Variants in SNX29 observed in about 807,000 individuals in gnomAD.
SNX29 encodes the protein sorting nexin-29.
Under a neutral mutation model 102.1 loss-of-function variants are expected in SNX29, and 78 were observed. The observed-to-expected ratio is 0.76, with a 90% confidence interval of 0.64 to 0.92. SNX29 has a LOEUF of 0.92. SNX29 is among the 40% of genes least tolerant of loss of function. The pLI is 0.00. For synonymous variants in SNX29, 580 were observed against 414.5 expected (o/e 1.40, Z -4.85); for missense variants, 1,280 against 1,061.7 (o/e 1.21, Z -2.86).
At chr16:12,079,030 G>A (rs1030765305) in intron 11 of SNX29, 115 bp downstream of exon 11, 343 of 863,464 alleles carry the variant, frequency 4.0e-4, no homozygotes, top group Non-Finnish European at 5.1e-4. Flanking sequence ...AGGTGTGTAC[G>A]TCCCTGGTTG....
chr16:12,341,902 G>C (rs1430286379), intron 15 of SNX29, among the ~76,000 whole-genome samples: 1 of 152,200 alleles, frequency 6.6e-6, no homozygotes, highest in Non-Finnish European at 1.5e-5. Flanking sequence ...GTAGGGATTA[G>C]AGCAGCTGTG....
chr16:12,556,858 AT>A lies in SNX29; in HGVS notation c.2319-11636del, dbSNP rs923109471. On this transcript the variant is annotated intron_variant, in intron 20 of 20. Transcript: ENST00000566228. ...GAAGTTTGATGGTGGAAAAAATTGAATTTTTTTTTTTTGAGATAGGGTCTCC... is the reference window on the plus strand; with the variant it reads ...GAAGTTTGATGGTGGAAAAAATTGAATTTTTTTTTTTGAGATAGGGTCTCC... Among the ~76,000 whole-genome samples the A allele has an allele frequency of 9.2e-4, 137 of 148,732 alleles. 1 individual carries two copies. The highest frequency in any genetic ancestry group is 3.5e-3 in the Middle Eastern group (1 of 288).
intron 14 of SNX29, among the ~76,000 whole-genome samples, chr16:12,257,380 C>T (rs559708934): frequency 5.3e-5 from 8 of 152,202 alleles, no homozygotes; most frequent in Non-Finnish European, 1.0e-4. Context: ...CCAGTATACT[C>T]TCCTATCTCA....
chr16:12,084,064 G>A (rs1273753076), intron 11 of SNX29, among the ~76,000 whole-genome samples: 1 of 152,148 alleles, frequency 6.6e-6, no homozygotes, highest in African/African-American at 2.4e-5. Flanking sequence ...AGAAGATGGT[G>A]TATCCAGACC....
At chr16:12,407,936 C>T (rs2084233068) in intron 18 of SNX29, among the ~76,000 whole-genome samples, 1 of 152,138 alleles carries the variant, frequency 6.6e-6, no homozygotes, top group African/African-American at 2.4e-5. Flanking sequence ...GCTACGATTG[C>T]ATCTGTGAAT....
chr16:12,441,089 CTTTTTTT>C (rs34125065), intron 18 of SNX29, among the ~76,000 whole-genome samples: 1 of 102,696 alleles, frequency 9.7e-6, no homozygotes, highest in Non-Finnish European at 1.9e-5. Flanking sequence ...TACTTCATTC[CTTTTTTT>C]TTTTTTTTTT....
chr16:12,192,748 G>T (rs775269461), intron 13 of SNX29, among the ~76,000 whole-genome samples: 5 of 152,080 alleles, frequency 3.3e-5, no homozygotes, highest in Non-Finnish European at 5.9e-5. Flanking sequence ...TTTCACCCAG[G>T]CTGGAGTTCA....
chr16:12,086,288 G>A (rs1041041764), intron 11 of SNX29, among the ~76,000 whole-genome samples: 1 of 152,154 alleles, frequency 6.6e-6, no homozygotes, highest in Admixed American at 6.5e-5. Flanking sequence ...ACAGGCGTGA[G>A]CCACCGCGCC....
chr16:12,133,172 C>G (rs1374752531), intron 13 of SNX29, among the ~76,000 whole-genome samples: 2 of 151,832 alleles, frequency 1.3e-5, no homozygotes, highest in Non-Finnish European at 2.9e-5. Flanking sequence ...GCTTTATGGT[C>G]CAGGTGCCTG....
In SNX29 at chr16:12,224,491, G is replaced by A. The variant is rs546295335; in HGVS notation, c.1678+24808G>A. On this transcript the variant is annotated intron_variant, in intron 14 of 20. Coordinates refer to ENST00000566228, the MANE Select transcript of SNX29 (RefSeq NM_032167.5). ...TTAACACGGTGCTGAGGACATCCAGGTGCAGCTGGAGCACCGTGTGGAGCT... is the reference window on the plus strand; with the variant it reads ...TTAACACGGTGCTGAGGACATCCAGATGCAGCTGGAGCACCGTGTGGAGCT... 2.0e-5 allele frequency among the ~76,000 whole-genome samples: 3 copies of A among 152,180 alleles called. No homozygotes were observed. In the South Asian group the frequency reaches 6.2e-4, roughly 32 times the overall value.
intron 20 of SNX29, among the ~76,000 whole-genome samples, chr16:12,536,058 G>T (rs1040065926): frequency 1.3e-5 from 2 of 152,110 alleles, no homozygotes; most frequent in African/African-American, 4.8e-5. Context: ...TGAGCCCTTT[G>T]TCTTCATTCA....
intron 14 of SNX29, among the ~76,000 whole-genome samples, chr16:12,209,474 G>C (rs1340474592): frequency 6.6e-6 from 1 of 152,204 alleles, no homozygotes; most frequent in East Asian, 1.9e-4. Context: ...ACAGGCATGA[G>C]CCACTGTGCC....
chr16:12,491,915 A>T (rs1004596153), intron 19 of SNX29, among the ~76,000 whole-genome samples: 1 of 152,170 alleles, frequency 6.6e-6, no homozygotes, highest in African/African-American at 2.4e-5. Flanking sequence ...ACATTTTCTT[A>T]ATCCAGTCTA....
chr16:12,158,490 G>T (rs1392178719), intron 13 of SNX29, among the ~76,000 whole-genome samples: 1 of 152,212 alleles, frequency 6.6e-6, no homozygotes, highest in East Asian at 1.9e-4. Context: ...GTGAGCCAGT[G>T]CACCCAGCCG....
At chr16:12,052,386 T>C (rs1330189291) in intron 8 of SNX29, 164 bp downstream of exon 8, 7 of 680,920 alleles carry the variant, frequency 1.0e-5, no homozygotes, top group Non-Finnish European at 1.4e-5. Context: ...CCAGCTAATT[T>C]TTGTATTTTT....
chr16:12,550,994 C>G (rs919210669), intron 20 of SNX29, among the ~76,000 whole-genome samples: 12 of 152,248 alleles, frequency 7.9e-5, no homozygotes, highest in African/African-American at 2.9e-4. Flanking sequence ...GTTTCTCAAT[C>G]TAAATATTTC....
intron 13 of SNX29, among the ~76,000 whole-genome samples, chr16:12,163,059 T>A (rs1297808073): frequency 6.6e-6 from 1 of 152,088 alleles, no homozygotes; most frequent in Non-Finnish European, 1.5e-5. Flanking sequence ...TTTTTGTATT[T>A]TTAGTAGAGA....
At chr16:12,259,119 T>G (rs1255320925) in intron 14 of SNX29, among the ~76,000 whole-genome samples, 1 of 152,104 alleles carries the variant, frequency 6.6e-6, no homozygotes, top group African/African-American at 2.4e-5. Context: ...TAGACATAAT[T>G]AAGATTTTCC....
rs528482067 is a variant in SNX29, at chr16:12,539,990, GCTT to G, written c.2318+15153_2318+15155del. On this transcript the variant is annotated intron_variant, in intron 20 of 20. Coordinates refer to ENST00000566228, the MANE Select transcript of SNX29 (RefSeq NM_032167.5). ...TGCACATATTTTCTTCTAGTCTTCA[GCTT>G]CTTTTCAGTGTCTTTTGCATGACAC... 3.3e-3 allele frequency among the ~76,000 whole-genome samples: 501 copies of G among 152,258 alleles called. 1 individual carries two copies. The highest frequency in any genetic ancestry group is 0.01 in the Middle Eastern group (3 of 294).
Sources: gnomAD v4.1 joint callset for allele counts (sites outside exome capture counted in the v4.1 genomes callset) on GRCh38, gnomAD v4.1.1 for gene constraint, MANE v1.5 for transcripts, NCBI Gene and HGNC (gene_info 2026-07-23, HGNC 2026-07-21) for gene names.